CLIC1: variants seen among roughly 807,000 people sequenced by gnomAD.
CLIC1 encodes chloride intracellular channel protein 1.
CLIC1 carries 16 observed loss-of-function variants against 26.4 expected under a neutral mutation model. That is an observed-to-expected ratio of 0.61 (90% CI 0.41 to 0.92). The LOEUF is 0.92. Ranked by LOEUF, CLIC1 falls within the 40% of genes least tolerant of loss-of-function variation. CLIC1 has a pLI of 0.00. For synonymous variants in CLIC1, 98 were observed against 120.8 expected, an observed-to-expected ratio of 0.81 and a Z score of 1.24; for missense variants, 225 against 289.7, an observed-to-expected ratio of 0.78 and a Z score of 1.62.
intron 5 of CLIC1, among the ~76,000 whole-genome samples, chr6:31,731,567 G>C (rs1054922923): frequency 6.6e-6 from 1 of 152,220 alleles, no homozygotes; most frequent in African/African-American, 2.4e-5. Flanking sequence ...CGCCCAAAGT[G>C]TTGGGATTAT....
chr6:31,731,070 T>C (rs1417415098), intron 5 of CLIC1, 67 bp from the exon 6 acceptor site: 1 of 1,434,954 alleles, frequency 7.0e-7, no homozygotes, highest in Non-Finnish European at 9.6e-7. Context: ...CTTTCCCTTC[T>C]CCCCAGGCCG....
Position 31,732,953 on chromosome 6 carries a change from C to CACG in CLIC1, c.383-556_383-555insCGT, listed in dbSNP as rs1337682254. Among the ~76,000 whole-genome samples the CACG allele has an allele frequency of 7.2e-5, 11 of 151,732 alleles. No individual in the cohort carries two copies. The highest frequency in any genetic ancestry group is 2.7e-4 in the African/African-American group (11 of 41,394). Reference sequence around the variant, plus strand: ...CCTGGCCAACATGGTGAAACCCTGTCTCTACTAAAAATACAAAAATTAGCT... The same window carrying CACG: ...CCTGGCCAACATGGTGAAACCCTGTCACGTCTACTAAAAATACAAAAATTAGCT... On this transcript the variant is annotated intron_variant, in intron 4 of 5. Transcript: ENST00000375784. The surrounding 1 kb of genome is among the most constrained non-coding windows in gnomAD (Gnocchi z 5.0).
chr6:31,734,046 G>A lies in CLIC1; in HGVS notation c.150-85C>T, dbSNP rs184294458. Reference sequence around the variant, plus strand: ...GAATGGAGGACGTGGGATAAGAAAGGGACTCCAGGGGGAGGGCAAAAATGT... The same window carrying A: ...GAATGGAGGACGTGGGATAAGAAAGAGACTCCAGGGGGAGGGCAAAAATGT... On this transcript the variant is annotated intron_variant, in intron 2 of 5. Transcript: ENST00000375784. The surrounding 1 kb of genome is among the most constrained non-coding windows in gnomAD (Gnocchi z 5.3). The A allele has an allele frequency of 1.6e-5, 25 of 1,593,848 alleles. 1 individual carries two copies. The Admixed American group carries it at 4.0e-4, about 26-fold the overall frequency.
intron 5 of CLIC1, among the ~76,000 whole-genome samples, chr6:31,731,856 G>A (rs1341459558): frequency 6.6e-6 from 1 of 152,224 alleles, no homozygotes; most frequent in Non-Finnish European, 1.5e-5. Flanking sequence ...AGTGAAGACT[G>A]AAGTTATAAA....
At position 31,730,924 on chromosome 6, in the gene CLIC1, G is replaced by A; in HGVS notation, c.644C>T (p.Ala215Val). 1 of 1,613,094 alleles carries A rather than the reference G, an allele frequency of 6.2e-7. No individual in the cohort carries two copies. The highest frequency in any genetic ancestry group is 1.7e-5 in the Admixed American group (1 of 60,032). ...ACAGGTGGAAGCGAATTCTTCCCGG[G>A]CGTAGGCATTGCTCAAGTACCGATG... The change falls in exon 6 of 6, where the codon GCC (alanine) becomes GTC (valine). Residue 215 changes from alanine (A) to valine (V), a missense_variant. Coordinates refer to ENST00000375784, the Ensembl canonical transcript of CLIC1. The surrounding 1 kb of genome is among the most constrained non-coding windows in gnomAD (Gnocchi z 5.1).
rs558077604 is a variant in CLIC1 at position 31,734,151 on chromosome 6, T to G, written c.149+3A>C. On this transcript the variant is annotated splice_donor_region_variant and intron_variant, in intron 2 of 5. Transcript: ENST00000375784. This position sits in a 1 kb window ranked among gnomAD's most constrained non-coding sequence, Gnocchi z 5.3. Reference sequence around the variant, plus strand: ...GTGTTTCAAGGAACATAAGCAGGCCTACCTTTTGGTGTCAACGGTGGTAAC... The same window carrying G: ...GTGTTTCAAGGAACATAAGCAGGCCGACCTTTTGGTGTCAACGGTGGTAAC... 6.2e-7 allele frequency: 1 copy of G among 1,611,536 alleles called. No homozygotes were observed. The highest frequency in any genetic ancestry group is 1.1e-5 in the South Asian group (1 of 91,010).
rs1807858657 is a variant in CLIC1 at position 31,730,801 on chromosome 6, G to A, written c.*41C>T. The A allele has an allele frequency of 1.9e-6, 3 of 1,608,848 alleles. No individual in the cohort carries two copies. Among genetic ancestry groups the A allele is most frequent in the Non-Finnish European group, 2.5e-6 (3 of 1,176,780 alleles). Reference sequence around the variant, plus strand: ...CAATGTGGAAACCACCAGGGCCTTTGTGGAGAAAATGGAGGGGGTTGAGGG... The same window carrying A: ...CAATGTGGAAACCACCAGGGCCTTTATGGAGAAAATGGAGGGGGTTGAGGG... On this transcript the variant is annotated 3_prime_UTR_variant, in exon 6 of 6. Transcript: ENST00000375784. The surrounding 1 kb of genome is among the most constrained non-coding windows in gnomAD (Gnocchi z 5.1).
At chr6:31,731,867 G>A (rs1807980730) in intron 5 of CLIC1, among the ~76,000 whole-genome samples, 1 of 152,212 alleles carries the variant, frequency 6.6e-6, no homozygotes, top group South Asian at 2.1e-4. Context: ...AAGTTATAAA[G>A]AAAGTTAAAG....
rs751707744 is a variant in CLIC1, at chr6:31,733,575, G to C, written c.373C>G (p.Leu125Val). ...GACCCACAAGACTCACTGTCATTGA[G>C]TGCTGGGTTTGAATTCTTGATGTAG... The change falls in exon 4 of 6, where the codon CTC (leucine) becomes GTC (valine). Residue 125 changes from leucine to valine, a missense_variant. Leu to Val is a conservative substitution (Grantham distance 32, BLOSUM62 1). Transcript: ENST00000375784. The surrounding 1 kb of genome is among the most constrained non-coding windows in gnomAD (Gnocchi z 5.4). The C allele has an allele frequency of 6.2e-7, 1 of 1,612,268 alleles. No individual in the cohort carries two copies. The highest frequency in any genetic ancestry group is 2.2e-5 in the East Asian group (1 of 44,888).
chr6:31,735,103 G>C (rs1302585621), intron 1 of CLIC1, among the ~76,000 whole-genome samples: 1 of 151,462 alleles, frequency 6.6e-6, no homozygotes, highest in African/African-American at 2.4e-5. Context: ...AGCAGGCTCC[G>C]ACTTCCCTGG....
rs1243542697 is a variant in CLIC1 at position 31,732,838 on chromosome 6, A to G, written c.383-440T>C. On this transcript the variant is annotated intron_variant, in intron 4 of 5. Transcript: ENST00000375784. The surrounding 1 kb of genome is among the most constrained non-coding windows in gnomAD (Gnocchi z 5.0). ...CTTTACATTTTACAAACTCATTTAT[A>G]TCGCCGGGTGCAGTGGCTCACTCCT... Among the ~76,000 whole-genome samples, 1 of 151,408 alleles carries G rather than the reference A, an allele frequency of 6.6e-6. No homozygotes were observed. Among genetic ancestry groups the G allele is most frequent in the Non-Finnish European group, 1.5e-5 (1 of 67,876 alleles).
chr6:31,733,600 G>A lies in CLIC1; in HGVS notation c.348C>T (p.Ala116=). The change falls in exon 4 of 6, where the codon GCC becomes GCT. Residue 116 remains alanine (A), a synonymous_variant. Coordinates refer to ENST00000375784, the Ensembl canonical transcript of CLIC1. This position sits in a 1 kb window ranked among gnomAD's most constrained non-coding sequence, Gnocchi z 5.4. ...GTGCTGGGTTTGAATTCTTGATGTA[G>A]GCAGAAAATTTGGCAAATATGTCCA... is the stretch of plus-strand genomic sequence containing the variant. The A allele has an allele frequency of 1.2e-6, 2 of 1,612,930 alleles. No homozygotes were observed. The highest frequency in any genetic ancestry group is 2.2e-5 in the South Asian group (2 of 91,074).
Position 31,736,415 on chromosome 6 carries a change from T to C in CLIC1, c.-115A>G. ...CTCCCCTAGACCCAGGGCTGTCCCT[T>C]CAGCACAACACAAGCTCAATCAGAC... On this transcript the variant is annotated 5_prime_UTR_variant, in exon 1 of 6. Coordinates refer to ENST00000375784, the Ensembl canonical transcript of CLIC1. The surrounding 1 kb of genome is among the most constrained non-coding windows in gnomAD (Gnocchi z 5.0). 2.6e-6 allele frequency: 4 copies of C among 1,567,976 alleles called. No homozygotes were observed. Among genetic ancestry groups the C allele is most frequent in the Non-Finnish European group, 3.5e-6 (4 of 1,156,100 alleles).
At chr6:31,736,650 G>A, upstream of CLIC1, 2 of 1,152,830 alleles carry the variant, frequency 1.7e-6, no homozygotes, top group African/African-American at 1.6e-5. This position sits in a 1 kb window ranked among gnomAD's most constrained non-coding sequence, Gnocchi z 5.0. Context: ...CACAGGATGG[G>A]GATGGGGGTG....
Position 31,734,512 on chromosome 6 carries a change from A to G in CLIC1, c.40-249T>C, listed in dbSNP as rs1375272667. 2.6e-5 allele frequency among the ~76,000 whole-genome samples: 4 copies of G among 152,176 alleles called. No homozygotes were observed. Among genetic ancestry groups the G allele is most frequent in the Non-Finnish European group, 5.9e-5 (4 of 68,028 alleles). ...CAGGTGGGAGGTAGGTAGAGGGAGG[A>G]GGTCCTGGAGAACTTGGGAGGATCT... On this transcript the variant is annotated intron_variant, in intron 1 of 5. Transcript: ENST00000375784. The surrounding 1 kb of genome is among the most constrained non-coding windows in gnomAD (Gnocchi z 5.3).
At position 31,733,758 on chromosome 6, in the gene CLIC1, C is replaced by T; in HGVS notation, c.275+78G>A. ...TCCTGCCCCAGCCCCACCACCATCT[C>T]TGTTTTCCATTTCTGCAAACTGTCT... On this transcript the variant is annotated intron_variant, in intron 3 of 5. Coordinates refer to ENST00000375784, the Ensembl canonical transcript of CLIC1. This position sits in a 1 kb window ranked among gnomAD's most constrained non-coding sequence, Gnocchi z 5.4. 1.2e-6 allele frequency: 2 copies of T among 1,606,088 alleles called. No homozygotes were observed. Among genetic ancestry groups the T allele is most frequent in the Admixed American group, 3.3e-5 (2 of 59,946 alleles).
chr6:31,734,322 G>T lies in CLIC1; in HGVS notation c.40-59C>A. Reference sequence around the variant, plus strand: ...ATGCACCCCACCCATCCCTAGGCCAGTCCCTGCATTCCCACTCCCAGACCA... The same window carrying T: ...ATGCACCCCACCCATCCCTAGGCCATTCCCTGCATTCCCACTCCCAGACCA... On this transcript the variant is annotated intron_variant, in intron 1 of 5. Transcript: ENST00000375784. The surrounding 1 kb of genome is among the most constrained non-coding windows in gnomAD (Gnocchi z 5.3). The T allele has an allele frequency of 7.8e-7, 1 of 1,286,376 alleles. No homozygotes were observed. The highest frequency in any genetic ancestry group is 1.1e-6 in the Non-Finnish European group (1 of 893,306). 79.7% of individuals were successfully genotyped at this position (1,286,376 alleles called of 1,614,324 possible).
chr6:31,736,242 G>A lies in CLIC1; in HGVS notation c.39+20C>T. The A allele has an allele frequency of 6.2e-7, 1 of 1,612,604 alleles. No individual in the cohort carries two copies. Among genetic ancestry groups the A allele is most frequent in the African/African-American group, 1.3e-5 (1 of 75,008 alleles). ...TTGGCTTCCAGGAATTTGGGTGGCTGAGGAGAGAAGTGTTCTTACCTTCAC... is the reference window on the plus strand; with the variant it reads ...TTGGCTTCCAGGAATTTGGGTGGCTAAGGAGAGAAGTGTTCTTACCTTCAC... On this transcript the variant is annotated intron_variant, in intron 1 of 5. Transcript: ENST00000375784. This position sits in a 1 kb window ranked among gnomAD's most constrained non-coding sequence, Gnocchi z 5.0.
chr6:31,730,599 T>G lies in CLIC1; in HGVS notation c.*243A>C. The G allele has an allele frequency of 1.9e-6, 1 of 523,036 alleles. No individual in the cohort carries two copies. The highest frequency in any genetic ancestry group is 3.4e-6 in the Non-Finnish European group (1 of 294,280). 32.4% of individuals were successfully genotyped at this position (523,036 alleles called of 1,614,324 possible). The stretch of plus-strand genomic sequence containing the variant: ...ATCCCCATTGCGTAAAAACACTTGA[T>G]TTTTATTCTGTATTTTATTACTGAA... On this transcript the variant is annotated 3_prime_UTR_variant, in exon 6 of 6. Coordinates refer to ENST00000375784, the Ensembl canonical transcript of CLIC1. The surrounding 1 kb of genome is among the most constrained non-coding windows in gnomAD (Gnocchi z 5.1).
Sources: allele counts gnomAD v4.1 joint callset (sites outside exome capture counted in the v4.1 genomes callset), GRCh38; gene constraint gnomAD v4.1.1; non-coding constraint Gnocchi (gnomAD v3.1); transcripts MANE v1.5; gene names NCBI Gene and HGNC (gene_info 2026-07-23, HGNC 2026-07-21).